The following GHR variants were observed in gnomAD, a reference collection of about 807,000 sequenced individuals.
GHR encodes the protein growth hormone receptor, also known as GH receptor.
In GHR, 35 loss-of-function variants were observed where a neutral mutation model predicts 67.1. The ratio of observed to expected loss-of-function variants is 0.52; its 90% CI spans 0.40 to 0.69. The LOEUF (loss-of-function observed/expected upper bound fraction) is 0.69, where lower values mean the gene tolerates loss of function less well. Among genes scored for constraint, GHR ranks in the 30% least tolerant of loss-of-function variants. The pLI, the probability that GHR is intolerant of heterozygous loss-of-function variation, is 0.00. For synonymous variants in GHR, 272 were observed against 269.1 expected (o/e 1.01, Z -0.10); for missense variants, 792 against 764.6 (o/e 1.04, Z -0.42).
intron 4 of GHR, 49 bp downstream of exon 4, chr5:42,689,068 T>G: frequency 6.7e-7 from 1 of 1,495,620 alleles, no homozygotes; most frequent in East Asian, 2.3e-5. Flanking sequence ...ATGTACCTAC[T>G]AAAGTACACT....
chr5:42,592,619 T>C (rs1751844617), intron 2 of GHR, among the ~76,000 whole-genome samples: 1 of 152,352 alleles, frequency 6.6e-6, no homozygotes, highest in South Asian at 2.1e-4. Flanking sequence ...CTGCATAGTA[T>C]TCCATGGTGT....
chr5:42,456,766 C>T (rs977044213), intron 1 of GHR, among the ~76,000 whole-genome samples: 2 of 152,090 alleles, frequency 1.3e-5, no homozygotes, highest in East Asian at 1.9e-4. Context: ...CAAACTATAC[C>T]TTTATCTGTA....
At chr5:42,494,012 A>T (rs1395072888) in intron 1 of GHR, among the ~76,000 whole-genome samples, 1 of 152,152 alleles carries the variant, frequency 6.6e-6, no homozygotes, top group Non-Finnish European at 1.5e-5. Flanking sequence ...AATATCCCTC[A>T]CTGCAGCAGA....
At chr5:42,445,432 A>C (rs1426528916) in intron 1 of GHR, among the ~76,000 whole-genome samples, 2 of 152,234 alleles carry the variant, frequency 1.3e-5, no homozygotes, top group African/African-American at 2.4e-5. Flanking sequence ...TGATGTTATC[A>C]GAAAATATCC....
intron 4 of GHR, among the ~76,000 whole-genome samples, chr5:42,693,260 A>G (rs904052567): frequency 6.6e-6 from 1 of 151,386 alleles, no homozygotes; most frequent in Non-Finnish European, 1.5e-5. Context: ...GCCTCAGCCT[A>G]CCTACCGAAT....
intron 3 of GHR, among the ~76,000 whole-genome samples, chr5:42,660,133 A>C (rs908297678): frequency 1.3e-5 from 2 of 152,198 alleles, no homozygotes; most frequent in Non-Finnish European, 2.9e-5. Flanking sequence ...AGCCCACAAC[A>C]GCTCAAGGAG....
chr5:42,642,463 G>A (rs1260650145), intron 3 of GHR, among the ~76,000 whole-genome samples: 2 of 152,090 alleles, frequency 1.3e-5, no homozygotes, highest in African/African-American at 2.4e-5. Flanking sequence ...CAAGTCAGGG[G>A]ACTTCGTTGG....
At chr5:42,585,935 T>A (rs182260756) in intron 2 of GHR, among the ~76,000 whole-genome samples, 1 of 152,342 alleles carries the variant, frequency 6.6e-6, no homozygotes, top group East Asian at 1.9e-4. Flanking sequence ...GGATTAGTTT[T>A]GTGACCTCAG....
chr5:42,718,249 A>G, intron 9 of GHR, 128 bp downstream of exon 9: 2 of 722,000 alleles, frequency 2.8e-6, no homozygotes, highest in Admixed American at 2.7e-5. Context: ...TCTCCTGGAG[A>G]AAATTTTTTT....
intron 1 of GHR, among the ~76,000 whole-genome samples, chr5:42,442,815 C>T (rs1209246825): frequency 6.6e-6 from 1 of 152,064 alleles, no homozygotes; most frequent in Non-Finnish European, 1.5e-5. Flanking sequence ...AGAAGTTAGA[C>T]AAAAACAAAA....
chr5:42,690,025 C>G (rs1211615928), intron 4 of GHR, among the ~76,000 whole-genome samples: 1 of 152,184 alleles, frequency 6.6e-6, no homozygotes, highest in Non-Finnish European at 1.5e-5. Flanking sequence ...TTTGTTTACT[C>G]TCACTGTGTA....
At chr5:42,664,103 G>C (rs900125692) in intron 3 of GHR, among the ~76,000 whole-genome samples, 41 of 152,010 alleles carry the variant, frequency 2.7e-4, no homozygotes, top group African/African-American at 9.2e-4. Context: ...AGGATACAAA[G>C]AAATGGAAGA....
chr5:42,642,785 C>T lies in GHR; in HGVS notation c.136+13682C>T, dbSNP rs150908753. On this transcript the variant is annotated intron_variant, in intron 3 of 9. Transcript: ENST00000230882. ...CCAGAAGTCCAAAGTCAAGGTATGA[C>T]CAGGATTGGTTCCTTCTGGAGGCTC... 2.5e-3 allele frequency among the ~76,000 whole-genome samples: 378 copies of T among 152,246 alleles called. 1 individual carries two copies. Among genetic ancestry groups the T allele is most frequent in the African/African-American group, 8.5e-3 (355 of 41,542 alleles).
At chr5:42,475,382 G>A (rs1372943541) in intron 1 of GHR, among the ~76,000 whole-genome samples, 1 of 152,028 alleles carries the variant, frequency 6.6e-6, no homozygotes, top group East Asian at 1.9e-4. Context: ...CTCACTTGCA[G>A]AGACCCCTTC....
intron 1 of GHR, among the ~76,000 whole-genome samples, chr5:42,490,892 A>T (rs958366020): frequency 3.9e-5 from 6 of 152,244 alleles, no homozygotes; most frequent in African/African-American, 2.4e-5. Flanking sequence ...AGGTTTTAAT[A>T]TTTAACTAAG....
At chr5:42,430,335 G>A (rs1157757110) in intron 1 of GHR, among the ~76,000 whole-genome samples, 8 of 152,100 alleles carry the variant, frequency 5.3e-5, no homozygotes, top group African/African-American at 1.9e-4. Flanking sequence ...ATCTGCCACA[G>A]CATTGTCTTC....
intron 1 of GHR, among the ~76,000 whole-genome samples, chr5:42,462,524 G>A (rs1331625650): frequency 2.0e-5 from 3 of 152,032 alleles, no homozygotes; most frequent in African/African-American, 7.2e-5. Flanking sequence ...ATGAACTATT[G>A]CTTTTTTCAC....
intron 1 of GHR, among the ~76,000 whole-genome samples, chr5:42,435,914 T>C (rs1004245507): frequency 6.6e-6 from 1 of 152,220 alleles, no homozygotes; most frequent in Non-Finnish European, 1.5e-5. Flanking sequence ...CAAAGTATGT[T>C]CTCCAAACTA....
At chr5:42,576,132 A>T (rs375064883) in intron 2 of GHR, among the ~76,000 whole-genome samples, 41 of 97,628 alleles carry the variant, frequency 4.2e-4, no homozygotes, top group African/African-American at 1.5e-3. Context: ...ATAAAATAAA[A>T]TAAAATAAAA....
Sources: gnomAD v4.1 joint callset for allele counts (sites outside exome capture counted in the v4.1 genomes callset) on GRCh38, gnomAD v4.1.1 for gene constraint, MANE v1.5 for transcripts, NCBI Gene and HGNC (gene_info 2026-07-23, HGNC 2026-07-21) for gene names.